The following CSMD2 variants were observed in gnomAD, a reference collection of about 807,000 sequenced individuals.
CSMD2 encodes the protein CUB and sushi domain-containing protein 2.
A neutral mutation model predicts 398.5 loss-of-function variants in CSMD2; 130 were observed. That is an observed-to-expected ratio of 0.33 (90% CI 0.28 to 0.38). The LOEUF (loss-of-function observed/expected upper bound fraction) is 0.38, where lower values mean the gene tolerates loss of function less well. Ranked by LOEUF, CSMD2 falls within the 10% of genes least tolerant of loss-of-function variation. CSMD2 has a pLI of 1.00. For missense variants in CSMD2, 3,829 were observed against 4,764.9 expected (o/e 0.80, Z 5.78); for synonymous variants, 1,828 against 1,908.5 (o/e 0.96, Z 1.10).
intron 1 of CSMD2, among the ~76,000 whole-genome samples, chr1:34,091,748 A>G (rs1658590768): frequency 6.6e-6 from 1 of 152,232 alleles, no homozygotes; most frequent in Admixed American, 6.5e-5. Flanking sequence ...AAACTAGGAA[A>G]AAGAATATTT....
intron 3 of CSMD2, among the ~76,000 whole-genome samples, chr1:34,016,805 C>T (rs200040009): frequency 1.3e-5 from 2 of 151,762 alleles, no homozygotes; most frequent in African/African-American, 4.8e-5. Context: ...GATAGATAGA[C>T]AGATAGAATG....
At chr1:33,743,859 C>T (rs907763774) in intron 13 of CSMD2, among the ~76,000 whole-genome samples, 2 of 152,206 alleles carry the variant, frequency 1.3e-5, no homozygotes, top group African/African-American at 4.8e-5. Context: ...CTTGGCCCCT[C>T]TCCCCTGGTC....
intron 1 of CSMD2, among the ~76,000 whole-genome samples, chr1:34,157,661 C>T (rs1226259637): frequency 2.7e-5 from 4 of 149,966 alleles, no homozygotes; most frequent in East Asian, 2.0e-4. Context: ...CCCACCCTCT[C>T]GATCCCATCC....
chr1:33,587,001 G>A (rs1379014479), intron 45 of CSMD2, 87 bp downstream of exon 45: 6 of 983,654 alleles, frequency 6.1e-6, no homozygotes, highest in Admixed American at 2.3e-5. Flanking sequence ...AGGGGATAAG[G>A]TCCACTGGCC....
At position 33,714,004 on chromosome 1, in the gene CSMD2, T is replaced by C. The variant is rs1035854192; in HGVS notation, c.3406+583A>G. On this transcript the variant is annotated intron_variant, in intron 21 of 70. Transcript: ENST00000373381. ...AGAATTTCTCTGTTTTGTTCACCTTTGTACCTTCAGAACCTAGCAGATGCC... is the reference window on the plus strand; with the variant it reads ...AGAATTTCTCTGTTTTGTTCACCTTCGTACCTTCAGAACCTAGCAGATGCC... Among the ~76,000 whole-genome samples, 5 of 152,364 alleles carry C rather than the reference T, an allele frequency of 3.3e-5. No individual in the cohort carries two copies. In the South Asian group the frequency reaches 6.2e-4, roughly 19 times the overall value.
In CSMD2 at chr1:33,533,065, G is replaced by A; in HGVS notation, c.10156C>T (p.Pro3386Ser). ...GCACACTCACCCAGGCAGATGGGCG[G>A]CTTGCCTGTCCAGCTGCCATCCGCC... ...CKADGSWTGK[P>S]PICLEVRPSG... Residue 3386 changes from proline to serine, a missense_variant, in exon 64 of 71, where the codon CCG becomes TCG. Pro to Ser is a moderately conservative substitution (Grantham distance 74). This residue lies in a region of CSMD2 where 917 missense variants were observed against 1,199.5 expected (regional missense o/e 0.76). Transcript: ENST00000373381. The surrounding 1 kb of genome is among the most constrained non-coding windows in gnomAD (Gnocchi z 4.2). 1 of 1,611,702 alleles carries A rather than the reference G, an allele frequency of 6.2e-7. No homozygotes were observed. The highest frequency in any genetic ancestry group is 1.3e-5 in the African/African-American group (1 of 75,020).
chr1:33,626,523 G>C lies in CSMD2; in HGVS notation c.5259C>G (p.Gly1753=). The change falls in exon 33 of 71, where the codon GGC becomes GGG. Residue 1753 remains glycine, a synonymous_variant. Transcript: ENST00000373381. ...NQVLIKFSAK[G]LAPARGFHFV... is the part of the protein sequence containing the mutation. ...AGTGGAAGCCTCTGGCTGGTGCGAG[G>C]CCTTTGGCGCTGAACTTAATGAGAA... The C allele has an allele frequency of 6.2e-7, 1 of 1,609,322 alleles. No homozygotes were observed. Among genetic ancestry groups the C allele is most frequent in the Non-Finnish European group, 8.5e-7 (1 of 1,178,230 alleles).
At chr1:33,749,368 G>T (rs1384987968) in intron 13 of CSMD2, among the ~76,000 whole-genome samples, 1 of 151,894 alleles carries the variant, frequency 6.6e-6, no homozygotes, top group African/African-American at 2.4e-5. Flanking sequence ...CAAAGTGCTG[G>T]GATTACAGGC....
At position 33,521,565 on chromosome 1, in the gene CSMD2, A is replaced by C; in HGVS notation, c.10510-15T>G. 1 of 1,527,350 alleles carries C rather than the reference A, an allele frequency of 6.5e-7. No homozygotes were observed. The highest frequency in any genetic ancestry group is 9.1e-7 in the Non-Finnish European group (1 of 1,100,948). 94.6% of individuals were successfully genotyped at this position (1,527,350 alleles called of 1,614,324 possible). A position where few individuals can be genotyped will look rare whatever the true frequency, so the allele number is the denominator to read the frequency against. ...TCTGACGAGACCTGTGATGGTGGGG[A>C]GCACAGAGAGCAGGTGGGAGGCTGC... On this transcript the variant is annotated splice_polypyrimidine_tract_variant and intron_variant, in intron 67 of 70. Coordinates refer to ENST00000373381, the MANE Select transcript of CSMD2 (RefSeq NM_001281956.2).
intron 62 of CSMD2, among the ~76,000 whole-genome samples, chr1:33,535,053 G>A (rs1390374445): frequency 6.6e-6 from 1 of 152,068 alleles, no homozygotes; most frequent in Non-Finnish European, 1.5e-5. Context: ...CCTTCAAATG[G>A]CATTTTAGAT....
intron 6 of CSMD2, among the ~76,000 whole-genome samples, chr1:33,845,989 C>A (rs1379327477): frequency 6.6e-6 from 1 of 152,230 alleles, no homozygotes; most frequent in Non-Finnish European, 1.5e-5. Context: ...TCTATTAAAA[C>A]CAATAACAAT....
intron 49 of CSMD2, among the ~76,000 whole-genome samples, chr1:33,576,863 C>G (rs1221303116): frequency 6.6e-6 from 1 of 151,122 alleles, no homozygotes; most frequent in Non-Finnish European, 1.5e-5. Context: ...AGGGAAAAAA[C>G]TGTCATAAAT....
At chr1:34,062,101 G>A (rs1005086741) in intron 2 of CSMD2, among the ~76,000 whole-genome samples, 1 of 152,244 alleles carries the variant, frequency 6.6e-6, no homozygotes, top group East Asian at 1.9e-4. Flanking sequence ...GGATACATGT[G>A]GCTCTTTGGA....
At chr1:33,531,631 G>T (rs773420877) in intron 64 of CSMD2, among the ~76,000 whole-genome samples, 5 of 152,172 alleles carry the variant, frequency 3.3e-5, no homozygotes, top group Non-Finnish European at 5.9e-5. Flanking sequence ...TATGATTCAC[G>T]CATAAGAAGG....
intron 44 of CSMD2, among the ~76,000 whole-genome samples, chr1:33,597,247 C>G (rs1639903201): frequency 6.6e-6 from 1 of 152,164 alleles, no homozygotes; most frequent in Admixed American, 6.5e-5. Context: ...CTTCCACTGT[C>G]CACTTTTTGC....
At position 34,096,799 on chromosome 1, in the gene CSMD2, G is replaced by A. The variant is rs1571106654; in HGVS notation, c.188-7606C>T. 8.1e-5 allele frequency among the ~76,000 whole-genome samples: 9 copies of A among 110,764 alleles called. No homozygotes were observed. In the East Asian group the frequency reaches 1.6e-3, roughly 20 times the overall value. 72.7% of individuals were successfully genotyped at this position (110,764 alleles called of 152,430 possible). On this transcript the variant is annotated intron_variant, in intron 1 of 70. Transcript: ENST00000373381. Reference sequence around the variant, plus strand: ...ATGGAAGAACATTCCATGCTCATGGGTAGGAAGAATCAATATCGTGAAAAT... The same window carrying A: ...ATGGAAGAACATTCCATGCTCATGGATAGGAAGAATCAATATCGTGAAAAT...
intron 19 of CSMD2, among the ~76,000 whole-genome samples, chr1:33,722,074 A>G (rs750010600): frequency 7.9e-5 from 12 of 152,172 alleles, no homozygotes; most frequent in Non-Finnish European, 1.3e-4. Flanking sequence ...TTCTATGGCC[A>G]TACCCTATGT....
At chr1:34,159,339 A>AC (rs764781447) in intron 1 of CSMD2, among the ~76,000 whole-genome samples, 1 of 80,838 alleles carries the variant, frequency 1.2e-5, no homozygotes, top group African/African-American at 3.5e-5. Flanking sequence ...CCCCCCCCCC[A>AC]CCCAGGAGCT....
intron 3 of CSMD2, among the ~76,000 whole-genome samples, chr1:33,949,363 G>T (rs1644932940): frequency 6.6e-6 from 1 of 152,204 alleles, no homozygotes; most frequent in African/African-American, 2.4e-5. Context: ...ATGGCCCCAG[G>T]AGCCAGAACA....
Sources: allele counts gnomAD v4.1 joint callset (sites outside exome capture counted in the v4.1 genomes callset), GRCh38; gene constraint gnomAD v4.1.1; regional missense constraint gnomAD v4.1.1; non-coding constraint Gnocchi (gnomAD v3.1); transcripts MANE v1.5; gene names NCBI Gene and HGNC (gene_info 2026-07-23, HGNC 2026-07-21).